The following EFTUD2 variants were observed in gnomAD, a reference collection of about 807,000 sequenced individuals.
The protein encoded by EFTUD2 is elongation factor Tu GTP binding domain containing 2.
Under a neutral mutation model 114.3 loss-of-function variants are expected in EFTUD2, and 9 were observed. That is an observed-to-expected ratio of 0.08 (90% CI 0.05 to 0.14). EFTUD2 has a LOEUF of 0.14. EFTUD2 is among the 10% of genes least tolerant of loss of function. The pLI is 1.00. For synonymous variants in EFTUD2, 449 were observed against 462.3 expected (o/e 0.97, Z 0.37); for missense variants, 765 against 1,241.2 (o/e 0.62, Z 5.76).
At chr17:44,887,301 C>G (rs909302178) in intron 2 of EFTUD2, among the ~76,000 whole-genome samples, 2 of 152,144 alleles carry the variant, frequency 1.3e-5, no homozygotes, top group Non-Finnish European at 2.9e-5. Flanking sequence ...TATGACCCAG[C>G]AAGTCCACTC....
chr17:44,863,706 G>T lies in EFTUD2; in HGVS notation c.1362C>A (p.Thr454=), dbSNP rs749284525. 5 of 1,614,158 alleles carry T rather than the reference G, an allele frequency of 3.1e-6. No homozygotes were observed. In the South Asian group the frequency reaches 5.5e-5, roughly 18 times the overall value. ...CGCCGAGGTCGGAGTCCACACCACC[G>T]GTGTAGGTGTGCTCAATCTTGGGCT... is the stretch of plus-strand genomic sequence containing the variant. ...GAKPKIEHTY[T]GGVDSDLGEA... is the part of the protein sequence containing the mutation. Residue 454 remains threonine (T), a synonymous_variant, in exon 15 of 28, where the codon ACC becomes ACA. Coordinates refer to ENST00000426333, the MANE Select transcript of EFTUD2 (RefSeq NM_004247.4).
intron 18 of EFTUD2, 35 bp downstream of exon 18, chr17:44,859,870 T>C (rs573813885): frequency 4.3e-6 from 7 of 1,613,252 alleles, no homozygotes; most frequent in South Asian, 3.3e-5. Context: ...CTGGGGATAG[T>C]GGGGCTTGGC....
chr17:44,892,731 G>A (rs894857809), intron 2 of EFTUD2, among the ~76,000 whole-genome samples: 12 of 141,028 alleles, frequency 8.5e-5, no homozygotes, highest in Non-Finnish European at 1.4e-4. Flanking sequence ...TCTACCTCCC[G>A]GGTTCAAGCA....
Position 44,853,654 on chromosome 17 carries a change from G to C in EFTUD2, c.2348-19C>G. ...CGAATCACTGTAAAGGAGGTGGAGG[G>C]AGTGACTGGGGAGAGGTTCTGGGCC... On this transcript the variant is annotated intron_variant, in intron 23 of 27. Coordinates refer to ENST00000426333, the MANE Select transcript of EFTUD2 (RefSeq NM_004247.4). The C allele has an allele frequency of 6.2e-7, 1 of 1,612,832 alleles. No homozygotes were observed. The highest frequency in any genetic ancestry group is 8.5e-7 in the Non-Finnish European group (1 of 1,178,976).
Position 44,854,822 on chromosome 17 carries a change from A to G in EFTUD2, c.2132+96T>C. 1.9e-6 allele frequency: 3 copies of G among 1,562,340 alleles called. No homozygotes were observed. The highest frequency in any genetic ancestry group is 4.5e-5 in the East Asian group (2 of 44,536). ...AACAAGAGCAAAGGCAAAGACATAA[A>G]TGCTCCCCAGAAAGATGTGTGCTCT... On this transcript the variant is annotated intron_variant, in intron 21 of 27. Transcript: ENST00000426333. The surrounding 1 kb of genome is among the most constrained non-coding windows in gnomAD (Gnocchi z 4.3).
chr17:44,868,173 T>TAAA (rs879181467), intron 12 of EFTUD2, 114 bp downstream of exon 12: 623 of 813,246 alleles, frequency 7.7e-4, no homozygotes, highest in Non-Finnish European at 9.2e-4. Flanking sequence ...TAGTTTACAT[T>TAAA]AAAAAAAAAA....
intron 8 of EFTUD2, 42 bp downstream of exon 8, chr17:44,880,512 C>G: frequency 6.5e-7 from 1 of 1,543,980 alleles, no homozygotes; most frequent in South Asian, 1.1e-5. Flanking sequence ...CACGCAAAAC[C>G]AAGACAAGGT....
In EFTUD2 at chr17:44,879,193, C is replaced by T. The variant is rs143912065; in HGVS notation, c.702+363G>A. On this transcript the variant is annotated intron_variant, in intron 9 of 27. Coordinates refer to ENST00000426333, the MANE Select transcript of EFTUD2 (RefSeq NM_004247.4). ...CTCCAACTCCCAGGCTCAAGTGATT[C>T]TCCTGTTTCAGCCTAATGAGTAGCT... Among the ~76,000 whole-genome samples, 66 of 152,262 alleles carry T rather than the reference C, an allele frequency of 4.3e-4. No individual in the cohort carries two copies. In the East Asian group the frequency reaches 0.01, roughly 24 times the overall value.
chr17:44,883,541 G>T, intron 5 of EFTUD2, 108 bp downstream of exon 5: 2 of 1,040,172 alleles, frequency 1.9e-6, no homozygotes, highest in Non-Finnish European at 3.0e-6. Context: ...CTAGTCAGGA[G>T]GTTGAGCCTT....
chr17:44,898,321 G>A (rs1048620646), intron 1 of EFTUD2, among the ~76,000 whole-genome samples: 3 of 152,126 alleles, frequency 2.0e-5, no homozygotes, highest in Non-Finnish European at 4.4e-5. Context: ...GGTTTCAAGC[G>A]ATTCTCCTGC....
Position 44,854,517 on chromosome 17 carries a change from TA to T in EFTUD2, c.2259+38del. The T allele has an allele frequency of 6.3e-7, 1 of 1,599,588 alleles. No homozygotes were observed. Among genetic ancestry groups the T allele is most frequent in the Non-Finnish European group, 8.5e-7 (1 of 1,171,534 alleles). ...TTTGTAGTTTCTTCCACTCCAGAGG[TA>T]AGAGACCGCCACCCAGTTCCCATCA... On this transcript the variant is annotated intron_variant, in intron 22 of 27. Transcript: ENST00000426333. The surrounding 1 kb of genome is among the most constrained non-coding windows in gnomAD (Gnocchi z 4.3).
chr17:44,864,848 CGCTGGG>C, intron 14 of EFTUD2, 76 bp downstream of exon 14: 2 of 1,557,400 alleles, frequency 1.3e-6, no homozygotes, highest in Non-Finnish European at 1.7e-6. Context: ...TGACCTCCAT[CGCTGGG>C]TGAGAAAAAA....
At chr17:44,857,299 A>G in intron 19 of EFTUD2, 142 bp from the exon 20 acceptor site, 1 of 661,770 alleles carries the variant, frequency 1.5e-6, no homozygotes. Flanking sequence ...TGATAAGTAC[A>G]ACAGCAGGTT....
chr17:44,874,264 T>C (rs1343787682), intron 10 of EFTUD2, among the ~76,000 whole-genome samples: 2 of 151,946 alleles, frequency 1.3e-5, no homozygotes, highest in Admixed American at 6.6e-5. Context: ...AGGCTGGCCT[T>C]GAACTCCTAG....
rs573242816 is a variant in EFTUD2, at chr17:44,881,838, G to A, written c.493-116C>T. The A allele has an allele frequency of 8.6e-5, 80 of 930,848 alleles. No homozygotes were observed. The East Asian group carries it at 2.0e-3, about 23-fold the overall frequency. The allele number at this position is 930,848 out of a possible 1,614,324, so 57.7% of individuals were successfully genotyped here. A position where few individuals can be genotyped will look rare whatever the true frequency, so the allele number is the denominator to read the frequency against. On this transcript the variant is annotated intron_variant, in intron 6 of 27. Coordinates refer to ENST00000426333, the MANE Select transcript of EFTUD2 (RefSeq NM_004247.4). Reference sequence around the variant, plus strand: ...TCAAGGGTTTCTTTGAGATTAAAGAGAGAGAGAGAGCAGGGTGTCCCCACA... The same window carrying A: ...TCAAGGGTTTCTTTGAGATTAAAGAAAGAGAGAGAGCAGGGTGTCCCCACA...
intron 2 of EFTUD2, 21 bp from the exon 3 acceptor site, chr17:44,886,771 G>T (rs774639471): frequency 1.3e-5 from 21 of 1,603,948 alleles, no homozygotes; most frequent in Non-Finnish European, 1.8e-5. Context: ...GAGGGAGAGG[G>T]AGAATCGAAG....
intron 2 of EFTUD2, among the ~76,000 whole-genome samples, chr17:44,889,167 T>G (rs1280337813): frequency 6.6e-6 from 1 of 152,092 alleles, no homozygotes. Context: ...GACAGACGGA[T>G]GCAGGCAGGT....
chr17:44,865,046 G>A lies in EFTUD2; in HGVS notation c.1169C>T (p.Thr390Ile), dbSNP rs762474304. 12 of 1,614,172 alleles carry A rather than the reference G, an allele frequency of 7.4e-6. No individual in the cohort carries two copies. In the South Asian group the frequency reaches 1.1e-4, roughly 15 times the overall value. ...CTCGTCTAGGGTCCGTGGGAGGCTG[G>A]TGTCCACGTCACCTACAACCTGTGA... ...ILAQVVGDVD[T>I]SLPRTLDELG... The change falls in exon 14 of 28, where the codon ACC (threonine) becomes ATC (isoleucine). Residue 390 changes from threonine (T) to isoleucine (I), a missense_variant. Around this residue, in one of 6 missense-constraint regions of EFTUD2, gnomAD observed 251 missense variants for 357.7 expected, o/e 0.70. Coordinates refer to ENST00000426333, the MANE Select transcript of EFTUD2 (RefSeq NM_004247.4).
intron 8 of EFTUD2, 43 bp from the exon 9 acceptor site, chr17:44,879,681 A>G: frequency 6.3e-7 from 1 of 1,597,354 alleles, no homozygotes. Context: ...GGTGCAGGAT[A>G]AAGCACAATT....
Sources: gnomAD v4.1 joint callset for allele counts (sites outside exome capture counted in the v4.1 genomes callset) on GRCh38, gnomAD v4.1.1 for gene constraint, gnomAD v4.1.1 regional missense constraint, Gnocchi (gnomAD v3.1) non-coding constraint, MANE v1.5 for transcripts, NCBI Gene and HGNC (gene_info 2026-07-23, HGNC 2026-07-21) for gene names.